FBXL7: variants seen among roughly 807,000 people sequenced by gnomAD.
The protein encoded by FBXL7 is F-box and leucine rich repeat protein 7.
A neutral mutation model predicts 38.3 loss-of-function variants in FBXL7; 12 were observed. The ratio of observed to expected loss-of-function variants is 0.31; its 90% CI spans 0.20 to 0.51. The LOEUF (loss-of-function observed/expected upper bound fraction) is 0.51. Among genes scored for constraint, FBXL7 ranks in the 20% least tolerant of loss-of-function variants. FBXL7 has a pLI of 0.98. For missense variants in FBXL7, 567 were observed against 676.4 expected (o/e 0.84, Z 1.79); for synonymous variants, 297 against 300.9 (o/e 0.99, Z 0.13).
intron 2 of FBXL7, among the ~76,000 whole-genome samples, chr5:15,760,854 ATAAT>A (rs748717851): frequency 6.6e-6 from 1 of 152,190 alleles, no homozygotes; most frequent in African/African-American, 2.4e-5. Flanking sequence ...ATTGAACAAA[ATAAT>A]TAACTCCCAC....
intron 2 of FBXL7, among the ~76,000 whole-genome samples, chr5:15,827,366 T>C (rs1738344145): frequency 6.6e-6 from 1 of 152,172 alleles, no homozygotes; most frequent in Non-Finnish European, 1.5e-5. Flanking sequence ...ATTTTTGGGG[T>C]CATTGGAGCT....
At chr5:15,555,884 A>G (rs1580368561) in intron 1 of FBXL7, among the ~76,000 whole-genome samples, 1 of 152,008 alleles carries the variant, frequency 6.6e-6, no homozygotes, top group Non-Finnish European at 1.5e-5. Context: ...CATACTTGAT[A>G]TAATCTCTAG....
intron 2 of FBXL7, among the ~76,000 whole-genome samples, chr5:15,782,039 T>G (rs1187449342): frequency 6.6e-6 from 1 of 152,134 alleles, no homozygotes; most frequent in African/African-American, 2.4e-5. Flanking sequence ...TGCCCGTATG[T>G]TCTCTTTGTT....
chr5:15,731,408 G>C (rs1735580303), intron 2 of FBXL7, among the ~76,000 whole-genome samples: 1 of 152,088 alleles, frequency 6.6e-6, no homozygotes, highest in Non-Finnish European at 1.5e-5. Flanking sequence ...GATCTCCTGA[G>C]ACCCATTCAC....
At chr5:15,624,597 A>G (rs1740749105) in intron 2 of FBXL7, among the ~76,000 whole-genome samples, 1 of 152,192 alleles carries the variant, frequency 6.6e-6, no homozygotes, top group South Asian at 2.1e-4. Context: ...GATTGCTGAA[A>G]GTGTCAAATC....
intron 1 of FBXL7, among the ~76,000 whole-genome samples, chr5:15,526,215 T>C (rs1029329915): frequency 5.3e-5 from 8 of 152,000 alleles, no homozygotes; most frequent in Non-Finnish European, 1.2e-4. Context: ...CAATGTGTGA[T>C]GCAGGAGGCT....
chr5:15,932,818 C>G (rs572560037), intron 3 of FBXL7, among the ~76,000 whole-genome samples: 1 of 152,296 alleles, frequency 6.6e-6, no homozygotes, highest in African/African-American at 2.4e-5. Context: ...ATGGTGGCTT[C>G]CAAGTTTCCA....
At chr5:15,663,036 G>C (rs182237843) in intron 2 of FBXL7, among the ~76,000 whole-genome samples, 1 of 152,258 alleles carries the variant, frequency 6.6e-6, no homozygotes, top group Admixed American at 6.5e-5. Context: ...GTTGTGTGAA[G>C]AATGTTTTTG....
chr5:15,654,317 T>C (rs1741805423), intron 2 of FBXL7, among the ~76,000 whole-genome samples: 1 of 151,418 alleles, frequency 6.6e-6, no homozygotes, highest in Admixed American at 6.6e-5. Context: ...TTTATATAAT[T>C]GAGAAAGAAG....
chr5:15,768,413 C>A (rs554695840), intron 2 of FBXL7, among the ~76,000 whole-genome samples: 1 of 152,116 alleles, frequency 6.6e-6, no homozygotes, highest in East Asian at 1.9e-4. Context: ...CACTTCTTGT[C>A]CCAGCTACTC....
At chr5:15,601,910 A>G (rs899344404) in intron 1 of FBXL7, among the ~76,000 whole-genome samples, 1 of 152,138 alleles carries the variant, frequency 6.6e-6, no homozygotes, top group Admixed American at 6.5e-5. Flanking sequence ...TGTTGCACAT[A>G]AAATTAGTTT....
intron 2 of FBXL7, among the ~76,000 whole-genome samples, chr5:15,866,712 C>A (rs1474205177): frequency 7.9e-6 from 1 of 126,770 alleles, no homozygotes; most frequent in African/African-American, 2.9e-5. Flanking sequence ...CCCTCTGTGT[C>A]CATGTGTTCT....
chr5:15,625,511 G>T (rs1212770622), intron 2 of FBXL7, among the ~76,000 whole-genome samples: 2 of 152,104 alleles, frequency 1.3e-5, no homozygotes, highest in Non-Finnish European at 2.9e-5. Flanking sequence ...AAAATTAGCT[G>T]AGTGTAGTGG....
intron 2 of FBXL7, among the ~76,000 whole-genome samples, chr5:15,768,416 A>T (rs1736645700): frequency 6.6e-6 from 1 of 152,006 alleles, no homozygotes; most frequent in Non-Finnish European, 1.5e-5. Context: ...TTCTTGTCCC[A>T]GCTACTCGGG....
intron 2 of FBXL7, among the ~76,000 whole-genome samples, chr5:15,734,351 G>A (rs1302382750): frequency 6.6e-6 from 1 of 152,206 alleles, no homozygotes; most frequent in Non-Finnish European, 1.5e-5. Flanking sequence ...TCTGGGGCTG[G>A]CGATCACAAG....
chr5:15,624,501 T>G (rs1740746512), intron 2 of FBXL7, among the ~76,000 whole-genome samples: 1 of 152,252 alleles, frequency 6.6e-6, no homozygotes, highest in South Asian at 2.1e-4. Context: ...TCTAGTGTAT[T>G]GACTTTGGAA....
At chr5:15,852,288 T>TA (rs1209960339) in intron 2 of FBXL7, among the ~76,000 whole-genome samples, 1 of 152,190 alleles carries the variant, frequency 6.6e-6, no homozygotes, top group Non-Finnish European at 1.5e-5. Context: ...GGAAATCAAA[T>TA]ACTTTGTTTT....
At chr5:15,652,783 C>T (rs540148426) in intron 2 of FBXL7, among the ~76,000 whole-genome samples, 34 of 152,196 alleles carry the variant, frequency 2.2e-4, no homozygotes, top group African/African-American at 7.5e-4. Context: ...GCAATCAGAA[C>T]ACACACATTT....
intron 1 of FBXL7, among the ~76,000 whole-genome samples, chr5:15,504,734 G>A (rs182420054): frequency 1.4e-4 from 21 of 152,268 alleles, no homozygotes; most frequent in African/African-American, 5.1e-4. Flanking sequence ...GAAATCTGGA[G>A]AATAAGTTGG....
Sources: gnomAD v4.1 joint callset for allele counts (sites outside exome capture counted in the v4.1 genomes callset) on GRCh38, gnomAD v4.1.1 for gene constraint, MANE v1.5 for transcripts, NCBI Gene and HGNC (gene_info 2026-07-23, HGNC 2026-07-21) for gene names.